Variants in PALD1 observed in about 807,000 individuals in gnomAD.
PALD1 encodes phosphatase domain containing paladin 1, also known as paladin.
Under a neutral mutation model 96.0 loss-of-function variants are expected in PALD1, and 57 were observed. The observed-to-expected ratio is 0.59, with a 90% confidence interval of 0.48 to 0.74. PALD1 has a LOEUF of 0.74. Ranked by LOEUF, PALD1 falls within the 30% of genes least tolerant of loss-of-function variation. PALD1 has a pLI of 0.00. For synonymous variants in PALD1, 464 were observed against 473.6 expected (o/e 0.98, Z 0.26); for missense variants, 1,063 against 1,143.7 (o/e 0.93, Z 1.02).
intron 10 of PALD1, among the ~76,000 whole-genome samples, chr10:70,537,468 CAG>C (rs1564702543): frequency 6.6e-6 from 1 of 152,242 alleles, no homozygotes; most frequent in Admixed American, 6.5e-5. Flanking sequence ...TTCCTCAACA[CAG>C]AGGGTGCACA....
intron 1 of PALD1, among the ~76,000 whole-genome samples, chr10:70,507,790 T>TGTGG (rs769447114): frequency 1.8e-4 from 25 of 140,606 alleles, no homozygotes; most frequent in African/African-American, 2.9e-4. Flanking sequence ...TGTGTGTGTG[T>TGTGG]GGTGTATGTA....
the PALD1 span, among the ~76,000 whole-genome samples, chr10:70,461,224 T>C: frequency 2.0e-5 from 3 of 152,198 alleles, no homozygotes; most frequent in African/African-American, 7.2e-5. Context: ...TGGAATGCCC[T>C]TTCTCCCACT....
intron 1 of PALD1, among the ~76,000 whole-genome samples, chr10:70,524,617 G>A (rs1253616554): frequency 2.6e-5 from 4 of 152,224 alleles, no homozygotes; most frequent in Non-Finnish European, 5.9e-5. Context: ...CCTGGTGTCT[G>A]TCCCTTGGAC....
At chr10:70,512,458 C>G (rs951718912) in intron 1 of PALD1, among the ~76,000 whole-genome samples, 3 of 152,096 alleles carry the variant, frequency 2.0e-5, no homozygotes, top group Non-Finnish European at 2.9e-5. Flanking sequence ...GGGCTGAGCC[C>G]GAGGGAGAAA....
At chr10:70,551,636 G>T (rs1277966596) in intron 18 of PALD1, among the ~76,000 whole-genome samples, 2 of 150,762 alleles carry the variant, frequency 1.3e-5, no homozygotes, top group Non-Finnish European at 2.9e-5. Flanking sequence ...CTGGCCCCCT[G>T]CCGGCTTCAG....
chr10:70,554,533 C>T (rs1432122880), intron 18 of PALD1, among the ~76,000 whole-genome samples: 2 of 152,188 alleles, frequency 1.3e-5, no homozygotes, highest in Non-Finnish European at 2.9e-5. Context: ...GAATGCCGGG[C>T]CCTGGCTGAG....
chr10:70,480,257 G>T (rs1845905896), intron 1 of PALD1, among the ~76,000 whole-genome samples: 2 of 152,206 alleles, frequency 1.3e-5, no homozygotes, highest in Non-Finnish European at 2.9e-5. Context: ...CTTGGCTTGG[G>T]CTGAGCACAG....
intron 12 of PALD1, 23 bp from the exon 13 acceptor site, chr10:70,538,869 C>T: frequency 6.3e-7 from 1 of 1,597,118 alleles, no homozygotes; most frequent in Non-Finnish European, 8.6e-7. Context: ...CTGTGGGTCC[C>T]AGGCTTGGTG....
chr10:70,523,297 C>G (rs1272696780), intron 1 of PALD1, among the ~76,000 whole-genome samples: 1 of 152,202 alleles, frequency 6.6e-6, no homozygotes, highest in Non-Finnish European at 1.5e-5. Context: ...GGGACGGGCC[C>G]TGATGCCTGG....
the PALD1 span, among the ~76,000 whole-genome samples, chr10:70,461,834 C>T: frequency 1.3e-5 from 2 of 152,110 alleles, no homozygotes; most frequent in African/African-American, 2.4e-5. Flanking sequence ...GCTCTGTCAC[C>T]CAGGCTGGAG....
chr10:70,560,562 TC>T, intron 18 of PALD1, among the ~76,000 whole-genome samples: 1 of 151,948 alleles, frequency 6.6e-6, no homozygotes, highest in Non-Finnish European at 1.5e-5. Context: ...TGTGACGCGC[TC>T]GGCCCGCAGG....
At chr10:70,487,022 C>T (rs1419683048) in intron 1 of PALD1, among the ~76,000 whole-genome samples, 1 of 152,080 alleles carries the variant, frequency 6.6e-6, no homozygotes, top group Non-Finnish European at 1.5e-5. Context: ...TTTGGGGAGC[C>T]CTCTGGGGAG....
At position 70,525,908 on chromosome 10, in the gene PALD1, C is replaced by T. The variant is rs1354468676; in HGVS notation, c.-29-15C>T. ...TCCCATCCCCTCCTTCACTGCACAC[C>T]CTCTTATCCTACAGGTCTGGGGTCC... On this transcript the variant is annotated splice_polypyrimidine_tract_variant and intron_variant, in intron 1 of 19. Coordinates refer to ENST00000263563, the MANE Select transcript of PALD1 (RefSeq NM_014431.3). 1 of 1,606,578 alleles carries T rather than the reference C, an allele frequency of 6.2e-7. No individual in the cohort carries two copies. The highest frequency in any genetic ancestry group is 8.5e-7 in the Non-Finnish European group (1 of 1,174,764).
intron 5 of PALD1, among the ~76,000 whole-genome samples, chr10:70,531,981 TAAA>T (rs71472975): frequency 7.3e-6 from 1 of 136,586 alleles, no homozygotes. Flanking sequence ...AAACTCTTTC[TAAA>T]AAAAAAAAAA....
upstream of PALD1, among the ~76,000 whole-genome samples, chr10:70,475,237 T>C (rs1478503173): frequency 6.6e-6 from 1 of 152,180 alleles, no homozygotes; most frequent in Non-Finnish European, 1.5e-5. Context: ...AAAGCCCTTG[T>C]CTTTAGGATT....
At chr10:70,554,932 T>C (rs1245515543) in intron 18 of PALD1, among the ~76,000 whole-genome samples, 4 of 3,044 alleles carry the variant, frequency 1.3e-3, no homozygotes, top group Non-Finnish European at 2.0e-3. Flanking sequence ...CTCCCCCTCC[T>C]CCCCCTCCCC....
At chr10:70,463,520 A>G in the PALD1 span, among the ~76,000 whole-genome samples, 1 of 152,082 alleles carries the variant, frequency 6.6e-6, no homozygotes, top group Non-Finnish European at 1.5e-5. Context: ...TGCTCTAGAG[A>G]TTAATATCTA....
At chr10:70,490,138 G>T (rs1846076115) in intron 1 of PALD1, among the ~76,000 whole-genome samples, 1 of 151,956 alleles carries the variant, frequency 6.6e-6, no homozygotes, top group Non-Finnish European at 1.5e-5. Flanking sequence ...GGCCAGGCTG[G>T]TCTTGAACTC....
chr10:70,528,663 T>C (rs2132358755), intron 2 of PALD1, among the ~76,000 whole-genome samples: 1 of 152,334 alleles, frequency 6.6e-6, no homozygotes, highest in South Asian at 2.1e-4. Context: ...GCTAGGCCGC[T>C]GTCATAAAGT....
Sources: allele counts gnomAD v4.1 joint callset (sites outside exome capture counted in the v4.1 genomes callset), GRCh38; gene constraint gnomAD v4.1.1; transcripts MANE v1.5; gene names NCBI Gene and HGNC (gene_info 2026-07-23, HGNC 2026-07-21).